Variants in PCSK5 observed in about 807,000 individuals in gnomAD.
PCSK5 encodes proprotein convertase subtilisin/kexin type 5.
A neutral mutation model predicts 233.2 loss-of-function variants in PCSK5; 129 were observed. The observed-to-expected ratio is 0.55, with a 90% CI of 0.48 to 0.64. The LOEUF (loss-of-function observed/expected upper bound fraction) is 0.64. Among genes scored for constraint, PCSK5 ranks in the 30% least tolerant of loss-of-function variants. The pLI is 0.00. For synonymous variants in PCSK5, 825 were observed against 879.2 expected (o/e 0.94, Z 1.09); for missense variants, 2,076 against 2,430.1 (o/e 0.85, Z 3.06).
At chr9:76,340,235 T>C (rs374247474) in intron 35 of PCSK5, among the ~76,000 whole-genome samples, 9 of 152,238 alleles carry the variant, frequency 5.9e-5, no homozygotes, top group East Asian at 3.8e-4. Context: ...GTATCCCTTG[T>C]TTCTACTCTG....
intron 9 of PCSK5, among the ~76,000 whole-genome samples, chr9:76,111,842 G>T (rs1832229367): frequency 2.0e-5 from 3 of 152,094 alleles, no homozygotes; most frequent in African/African-American, 7.2e-5. Flanking sequence ...TTTGCATCTA[G>T]GTCCTAGTAT....
In PCSK5 at chr9:76,362,251, G is replaced by A. The variant is rs760592468; in HGVS notation, c.*3329G>A. On this transcript the variant is annotated 3_prime_UTR_variant, in exon 38 of 38. Coordinates refer to ENST00000674117, the MANE Select transcript of PCSK5 (RefSeq NM_001372043.1). Reference sequence around the variant, plus strand: ...ATATTAAGAGAATCCTTGTAGACTGGAAACACACCAAAAGGCTGGGTAAAG... The same window carrying A: ...ATATTAAGAGAATCCTTGTAGACTGAAAACACACCAAAAGGCTGGGTAAAG... 4 of 152,166 alleles carry A rather than the reference G, an allele frequency of 2.6e-5. No homozygotes were observed. The highest frequency in any genetic ancestry group is 5.9e-5 in the Non-Finnish European group (4 of 68,030). 9.4% of individuals were successfully genotyped at this position (152,166 alleles called of 1,614,324 possible). A position where few individuals can be genotyped will look rare whatever the true frequency, so the allele number is the denominator to read the frequency against.
At chr9:76,067,457 G>A (rs879436797) in intron 5 of PCSK5, among the ~76,000 whole-genome samples, 5 of 151,960 alleles carry the variant, frequency 3.3e-5, no homozygotes, top group East Asian at 1.9e-4. Flanking sequence ...AGCACATCAC[G>A]TTTCTGCTAA....
intron 9 of PCSK5, among the ~76,000 whole-genome samples, chr9:76,133,863 C>T (rs189112136): frequency 6.6e-6 from 1 of 152,122 alleles, no homozygotes; most frequent in East Asian, 1.9e-4. Context: ...CTAAGTTACC[C>T]TGACTACAGT....
chr9:76,119,668 AC>A (rs1196821465), intron 9 of PCSK5, among the ~76,000 whole-genome samples: 1 of 152,014 alleles, frequency 6.6e-6, no homozygotes, highest in Non-Finnish European at 1.5e-5. Context: ...TTTTGCATGT[AC>A]ATAGTATGTG....
chr9:76,240,473 A>G (rs1826394734), intron 23 of PCSK5, 143 bp from the exon 24 acceptor site: 1 of 637,140 alleles, frequency 1.6e-6, no homozygotes, highest in Admixed American at 2.6e-5. Flanking sequence ...GAAACCACAT[A>G]TATCCTCGAG....
chr9:76,265,194 G>A (rs1827297022), intron 24 of PCSK5, among the ~76,000 whole-genome samples: 1 of 151,906 alleles, frequency 6.6e-6, no homozygotes, highest in East Asian at 1.9e-4. Context: ...TTATAAAAGG[G>A]AACTAAACAT....
At chr9:75,940,201 A>T (rs1166500394) in intron 2 of PCSK5, among the ~76,000 whole-genome samples, 1 of 152,186 alleles carries the variant, frequency 6.6e-6, no homozygotes, top group Admixed American at 6.5e-5. Context: ...GTTGGTTATA[A>T]TCTGCTTGCC....
chr9:76,168,578 AT>A (rs2131839972), intron 12 of PCSK5, among the ~76,000 whole-genome samples: 1 of 152,322 alleles, frequency 6.6e-6, no homozygotes, highest in South Asian at 2.1e-4. Flanking sequence ...AATTCTAGCT[AT>A]TTCAAGCAGG....
chr9:75,902,559 A>G (rs988090815), intron 1 of PCSK5, among the ~76,000 whole-genome samples: 1 of 152,212 alleles, frequency 6.6e-6, no homozygotes, highest in Non-Finnish European at 1.5e-5. Context: ...TGTTCTGCTC[A>G]ATGATAAGGT....
intron 27 of PCSK5, among the ~76,000 whole-genome samples, chr9:76,300,357 C>G (rs980118975): frequency 1.3e-5 from 2 of 152,046 alleles, no homozygotes; most frequent in African/African-American, 4.8e-5. Flanking sequence ...ACACAGAGTG[C>G]AAAAAAACAC....
chr9:76,244,981 A>C (rs760557386), intron 24 of PCSK5, among the ~76,000 whole-genome samples: 1 of 152,222 alleles, frequency 6.6e-6, no homozygotes, highest in African/African-American at 2.4e-5. Context: ...GATAAATCTA[A>C]GTTTTAAATT....
chr9:76,112,033 A>G (rs1832239157), intron 9 of PCSK5, among the ~76,000 whole-genome samples: 1 of 152,224 alleles, frequency 6.6e-6, no homozygotes, highest in South Asian at 2.1e-4. Context: ...AATTATTAGC[A>G]ATGAAAAGCT....
intron 1 of PCSK5, among the ~76,000 whole-genome samples, chr9:75,908,919 CTATCTCTCTATCTCTCTCTCTG>C (rs1564074777): frequency 2.3e-4 from 29 of 126,000 alleles, no homozygotes; most frequent in South Asian, 5.1e-4. Context: ...ATCTATCTAT[CTATCTCTCTATCTCTCTCTCTG>C]TCTATCTATC....
intron 24 of PCSK5, among the ~76,000 whole-genome samples, chr9:76,289,506 C>T (rs1179661682): frequency 2.5e-5 from 3 of 118,344 alleles, no homozygotes; most frequent in Admixed American, 8.5e-5. Flanking sequence ...CACACACACA[C>T]ACACGCAACA....
At chr9:76,227,368 C>T in intron 20 of PCSK5, 135 bp from the exon 21 acceptor site, 2 of 635,000 alleles carry the variant, frequency 3.1e-6, no homozygotes, top group East Asian at 2.7e-5. Flanking sequence ...GCAGCTGAAG[C>T]CATTCAGGGC....
At chr9:76,108,188 A>G (rs983328671) in intron 9 of PCSK5, among the ~76,000 whole-genome samples, 1 of 152,224 alleles carries the variant, frequency 6.6e-6, no homozygotes, top group Non-Finnish European at 1.5e-5. Flanking sequence ...TGTATGTTAT[A>G]GGCATCATCT....
intron 3 of PCSK5, 123 bp from the exon 4 acceptor site, chr9:76,023,615 A>G (rs74388657): frequency 1.2e-6 from 1 of 833,980 alleles, no homozygotes; most frequent in East Asian, 2.6e-5. Flanking sequence ...CAGTAAGCTC[A>G]TCACACTACT....
At chr9:76,287,369 G>A in intron 24 of PCSK5, 1 of 198,652 alleles carries the variant, frequency 5.0e-6, no homozygotes. Flanking sequence ...AGGCCAACTG[G>A]CTGTCTTCCA....
Sources: gnomAD v4.1 joint callset for allele counts (sites outside exome capture counted in the v4.1 genomes callset) on GRCh38, gnomAD v4.1.1 for gene constraint, MANE v1.5 for transcripts, NCBI Gene and HGNC (gene_info 2026-07-23, HGNC 2026-07-21) for gene names.